Variants in CTNNA3 observed in about 807,000 individuals in gnomAD.
The protein encoded by CTNNA3 is catenin alpha 3, also known as catenin alpha-3.
Under a neutral mutation model 95.7 loss-of-function variants are expected in CTNNA3, and 76 were observed. The observed-to-expected ratio is 0.79, with a 90% CI of 0.66 to 0.96. The LOEUF (loss-of-function observed/expected upper bound fraction) is 0.96, where lower values mean the gene tolerates loss of function less well. Among genes scored for constraint, CTNNA3 ranks in the 40% least tolerant of loss-of-function variants. The probability of loss-of-function intolerance (pLI) is 0.00; values close to 1 mark genes in which losing one functional copy is unlikely to be tolerated. For missense variants in CTNNA3, 1,191 were observed against 1,089.8 expected (o/e 1.09, Z -1.31); for synonymous variants, 431 against 374.4 (o/e 1.15, Z -1.74).
chr10:67,569,579 C>T (rs1253077676), intron 3 of CTNNA3, among the ~76,000 whole-genome samples: 1 of 152,100 alleles, frequency 6.6e-6, no homozygotes, highest in East Asian at 1.9e-4. Flanking sequence ...CTCTGCTCTC[C>T]TTCACAGCTA....
At chr10:66,210,669 T>C (rs756536407) in intron 13 of CTNNA3, among the ~76,000 whole-genome samples, 1 of 152,274 alleles carries the variant, frequency 6.6e-6, no homozygotes, top group Non-Finnish European at 1.5e-5. Flanking sequence ...TTAAATAAAA[T>C]AGCATAATAT....
At chr10:65,946,873 TAAAGTTCTATTCTGTACAGTAATTG>T (rs2077524069) in intron 17 of CTNNA3, among the ~76,000 whole-genome samples, 1 of 152,072 alleles carries the variant, frequency 6.6e-6, no homozygotes, top group Non-Finnish European at 1.5e-5. Context: ...TCTAGGTAGT[TAAAGTTCTATTCTGTACAGTAATTG>T]AATATTTCTG....
intron 2 of CTNNA3, among the ~76,000 whole-genome samples, chr10:67,641,929 G>T (rs1839549387): frequency 6.6e-6 from 1 of 152,080 alleles, no homozygotes; most frequent in African/African-American, 2.4e-5. Context: ...AATGGGTGCA[G>T]CACACCAACA....
At chr10:66,279,984 T>A (rs2091465268) in intron 13 of CTNNA3, among the ~76,000 whole-genome samples, 1 of 151,906 alleles carries the variant, frequency 6.6e-6, no homozygotes, top group South Asian at 2.1e-4. Flanking sequence ...ACCCTTGAAG[T>A]GTTTGTTGTT....
intron 9 of CTNNA3, among the ~76,000 whole-genome samples, chr10:66,636,128 G>T (rs552794825): frequency 6.6e-6 from 1 of 151,874 alleles, no homozygotes; most frequent in East Asian, 1.9e-4. Flanking sequence ...TAAATACTAT[G>T]ATTTCATATC....
chr10:67,740,525 A>T (rs1841330095), intron 1 of CTNNA3, among the ~76,000 whole-genome samples: 1 of 151,506 alleles, frequency 6.6e-6, no homozygotes, highest in Non-Finnish European at 1.5e-5. Context: ...TGTCAACAGA[A>T]GACATTTATG....
intron 5 of CTNNA3, among the ~76,000 whole-genome samples, chr10:67,344,226 GA>G (rs1842330103): frequency 1.3e-5 from 2 of 151,788 alleles, no homozygotes; most frequent in Non-Finnish European, 2.9e-5. Flanking sequence ...ATTAATTGTT[GA>G]ATTTGGTTTG....
intron 13 of CTNNA3, among the ~76,000 whole-genome samples, chr10:66,166,498 C>CAAAAA: frequency 9.5e-6 from 1 of 105,202 alleles, no homozygotes; most frequent in Non-Finnish European, 1.9e-5. Context: ...CAGTCTGTCT[C>CAAAAA]AAAAAAAAAA....
chr10:66,991,917 C>T (rs2132938464), intron 7 of CTNNA3, among the ~76,000 whole-genome samples: 1 of 152,290 alleles, frequency 6.6e-6, no homozygotes, highest in Non-Finnish European at 1.5e-5. Flanking sequence ...CTATTCACCA[C>T]TCCTGTTGGC....
chr10:67,649,022 A>C (rs528353005), intron 1 of CTNNA3, among the ~76,000 whole-genome samples: 2 of 152,358 alleles, frequency 1.3e-5, no homozygotes, highest in East Asian at 3.9e-4. Flanking sequence ...ACCTTTCTGC[A>C]TAGCCCAGAG....
At position 67,461,486 on chromosome 10, in the gene CTNNA3, CA is replaced by C. The variant is rs548147301; in HGVS notation, c.579+60355del. 1.7e-4 allele frequency among the ~76,000 whole-genome samples: 26 copies of C among 152,202 alleles called. No individual in the cohort carries two copies. The South Asian group carries it at 5.4e-3, about 32-fold the overall frequency. Reference sequence around the variant, plus strand: ...TGAAAAATTGTCAATGTTCAATATACAACCTATATTTTTCAATCAGATTTAT... The same window carrying C: ...TGAAAAATTGTCAATGTTCAATATACACCTATATTTTTCAATCAGATTTAT... On this transcript the variant is annotated intron_variant, in intron 5 of 17. Coordinates refer to ENST00000433211, the MANE Select transcript of CTNNA3 (RefSeq NM_013266.4).
In CTNNA3 at chr10:67,328,653, T is replaced by C. The variant is rs77240699; in HGVS notation, c.580-108783A>G. Among the ~76,000 whole-genome samples, 5 of 152,308 alleles carry C rather than the reference T, an allele frequency of 3.3e-5. No homozygotes were observed. The East Asian group carries it at 7.7e-4, about 24-fold the overall frequency. On this transcript the variant is annotated intron_variant, in intron 5 of 17. Coordinates refer to ENST00000433211, the MANE Select transcript of CTNNA3 (RefSeq NM_013266.4). ...TGGGGGCCAGGAATGAGTGTGGGTA[T>C]ACTGTAGCCCCATGTAGCGTTTCCA...
intron 7 of CTNNA3, among the ~76,000 whole-genome samples, chr10:66,855,805 T>A (rs1271648205): frequency 6.6e-6 from 1 of 152,052 alleles, no homozygotes; most frequent in African/African-American, 2.4e-5. Context: ...TAATCAGCTA[T>A]GCCTAAAAAT....
intron 7 of CTNNA3, among the ~76,000 whole-genome samples, chr10:67,081,241 T>C (rs1343053815): frequency 6.6e-6 from 1 of 152,196 alleles, no homozygotes; most frequent in African/African-American, 2.4e-5. Context: ...GCATTTAAAA[T>C]GCTTAATTCT....
At chr10:66,164,733 A>G (rs1237526064) in intron 13 of CTNNA3, among the ~76,000 whole-genome samples, 2 of 152,220 alleles carry the variant, frequency 1.3e-5, no homozygotes, top group African/African-American at 4.8e-5. Flanking sequence ...TCTTTATTCT[A>G]GAATAGTGAT....
chr10:67,155,909 G>A (rs2132076852), intron 7 of CTNNA3, among the ~76,000 whole-genome samples: 1 of 152,176 alleles, frequency 6.6e-6, no homozygotes, highest in African/African-American at 2.4e-5. Flanking sequence ...CACCAGAGAA[G>A]CTATCTGATC....
intron 5 of CTNNA3, among the ~76,000 whole-genome samples, chr10:67,504,744 G>A: frequency 6.6e-6 from 1 of 151,994 alleles, no homozygotes. Flanking sequence ...GCATAACAAA[G>A]GTCAAACATG....
At chr10:66,010,767 G>A (rs992669631) in intron 15 of CTNNA3, among the ~76,000 whole-genome samples, 4 of 152,156 alleles carry the variant, frequency 2.6e-5, no homozygotes, top group African/African-American at 4.8e-5. Flanking sequence ...GTCAGGCCAG[G>A]CTTGGTGAAA....
chr10:67,542,161 C>T (rs1840703013), intron 3 of CTNNA3, among the ~76,000 whole-genome samples: 1 of 152,202 alleles, frequency 6.6e-6, no homozygotes, highest in South Asian at 2.1e-4. Context: ...ATTCTTATTG[C>T]TGGACTTATC....
Sources: allele counts gnomAD v4.1 joint callset (sites outside exome capture counted in the v4.1 genomes callset), GRCh38; gene constraint gnomAD v4.1.1; transcripts MANE v1.5; gene names NCBI Gene and HGNC (gene_info 2026-07-23, HGNC 2026-07-21).